Variants in XKR9 observed in about 807,000 individuals in gnomAD.
The protein encoded by XKR9 is XK-related protein 9.
XKR9 carries 32 observed loss-of-function variants against 32.0 expected under a neutral mutation model. The ratio of observed to expected loss-of-function variants is 1.00; its 90% CI spans 0.76 to 1.34. The LOEUF (loss-of-function observed/expected upper bound fraction) is 1.34, where lower values mean the gene tolerates loss of function less well. XKR9 is among the 40% of genes most tolerant of loss of function. The pLI is 0.00. For missense variants in XKR9, 546 were observed against 429.7 expected (o/e 1.27, Z -2.39); for synonymous variants, 168 against 143.4 (o/e 1.17, Z -1.22).
the XKR9 span, among the ~76,000 whole-genome samples, chr8:70,796,103 G>GT: frequency 2.6e-5 from 4 of 151,608 alleles, no homozygotes; most frequent in Admixed American, 2.0e-4. Flanking sequence ...ACATGTGCAG[G>GT]TTTTTTGACA....
chr8:71,022,416 GT>G, the XKR9 span, among the ~76,000 whole-genome samples: 2 of 151,640 alleles, frequency 1.3e-5, no homozygotes, highest in Non-Finnish European at 2.9e-5. Flanking sequence ...TGATTGGCAG[GT>G]TTTTTTTCAG....
the XKR9 span, among the ~76,000 whole-genome samples, chr8:70,896,920 T>G: frequency 6.6e-6 from 1 of 152,114 alleles, no homozygotes; most frequent in South Asian, 2.1e-4. Flanking sequence ...AATGTACAAT[T>G]AAATTATTGT....
intron 2 of XKR9, among the ~76,000 whole-genome samples, chr8:70,780,565 C>T (rs1807601152): frequency 6.6e-6 from 1 of 152,058 alleles, no homozygotes. Context: ...CGAAGGATTT[C>T]CAAAAACCCC....
chr8:70,937,035 A>C, the XKR9 span, among the ~76,000 whole-genome samples: 1 of 151,946 alleles, frequency 6.6e-6, no homozygotes, highest in Non-Finnish European at 1.5e-5. Context: ...GATATATGAG[A>C]GGTTCCGGAA....
the XKR9 span, among the ~76,000 whole-genome samples, chr8:70,849,928 G>C: frequency 1.3e-5 from 2 of 151,228 alleles, no homozygotes; most frequent in African/African-American, 4.9e-5. Flanking sequence ...GGAAGAAGTA[G>C]AATCTCGAAT....
chr8:71,012,389 TG>T, the XKR9 span, among the ~76,000 whole-genome samples: 3 of 152,172 alleles, frequency 2.0e-5, no homozygotes, highest in African/African-American at 7.2e-5. Context: ...TTGGTGGCTA[TG>T]GGTGTGTTTG....
At chr8:70,724,188 G>A (rs1806380378) in intron 4 of XKR9, among the ~76,000 whole-genome samples, 3 of 152,214 alleles carry the variant, frequency 2.0e-5, no homozygotes, top group Admixed American at 1.3e-4. Flanking sequence ...ACTGTCAGGG[G>A]AAAGCCGCCT....
chr8:71,044,183 AT>A, the XKR9 span, among the ~76,000 whole-genome samples: 1 of 152,208 alleles, frequency 6.6e-6, no homozygotes, highest in Non-Finnish European at 1.5e-5. Context: ...ATATACATAG[AT>A]TTTTATCTGT....
the XKR9 span, among the ~76,000 whole-genome samples, chr8:70,890,328 G>A: frequency 2.0e-5 from 3 of 151,924 alleles, no homozygotes; most frequent in Non-Finnish European, 2.9e-5. Flanking sequence ...GCTGTGGCAA[G>A]CATATCCAAT....
chr8:70,781,541 C>T (rs551326754), intron 2 of XKR9, among the ~76,000 whole-genome samples: 59 of 133,198 alleles, frequency 4.4e-4, no homozygotes, highest in African/African-American at 1.5e-3. Context: ...ATGAGTGAGA[C>T]CCCATCTCCA....
the XKR9 span, among the ~76,000 whole-genome samples, chr8:70,897,131 G>T: frequency 1.3e-5 from 2 of 152,086 alleles, no homozygotes; most frequent in Non-Finnish European, 2.9e-5. Context: ...GTGAGAACAT[G>T]TGATGTTTGT....
intron 2 of XKR9, among the ~76,000 whole-genome samples, chr8:70,780,145 C>T (rs932411507): frequency 6.6e-6 from 1 of 151,704 alleles, no homozygotes; most frequent in Non-Finnish European, 1.5e-5. Flanking sequence ...TGTCTTTTCT[C>T]TCTTTTTTAT....
At chr8:70,934,304 A>T in the XKR9 span, among the ~76,000 whole-genome samples, 1 of 151,996 alleles carries the variant, frequency 6.6e-6, no homozygotes, top group Non-Finnish European at 1.5e-5. Context: ...TCTCTATGAC[A>T]CTTAGGGGGC....
At chr8:70,773,331 T>G (rs1292926443) in intron 2 of XKR9, among the ~76,000 whole-genome samples, 2 of 152,204 alleles carry the variant, frequency 1.3e-5, no homozygotes, top group Admixed American at 6.5e-5. Context: ...CGTTAACAAA[T>G]TGGTTCTGTC....
chr8:71,058,265 C>A, the XKR9 span, among the ~76,000 whole-genome samples: 1 of 152,152 alleles, frequency 6.6e-6, no homozygotes, highest in Non-Finnish European at 1.5e-5. Context: ...GCTGATCACT[C>A]TGGGTCAGTT....
At chr8:70,797,705 A>G in the XKR9 span, among the ~76,000 whole-genome samples, 2 of 152,038 alleles carry the variant, frequency 1.3e-5, no homozygotes, top group African/African-American at 4.8e-5. Context: ...TCACTCCCCT[A>G]ACCTCCACCC....
Position 70,735,121 on chromosome 8 carries a change from T to A in XKR9, c.*697T>A, listed in dbSNP as rs1308626483. On this transcript the variant is annotated 3_prime_UTR_variant, in exon 5 of 5. Coordinates refer to ENST00000408926, the MANE Select transcript of XKR9 (RefSeq NM_001011720.2). ...TTTTTAAAAAATTATGGTAAAAACA[T>A]ATAAAATTTACCATCTTAATCACTT... The A allele has an allele frequency of 2.6e-5, 4 of 152,080 alleles. No individual in the cohort carries two copies. The highest frequency in any genetic ancestry group is 9.7e-5 in the African/African-American group (4 of 41,442). 9.4% of individuals were successfully genotyped at this position (152,080 alleles called of 1,614,324 possible).
At chr8:70,766,586 A>C (rs1807378987) in intron 2 of XKR9, among the ~76,000 whole-genome samples, 1 of 151,988 alleles carries the variant, frequency 6.6e-6, no homozygotes, top group Non-Finnish European at 1.5e-5. Context: ...AATACCCTTT[A>C]TTTCTTTCTC....
intron 3 of XKR9, among the ~76,000 whole-genome samples, chr8:70,699,347 T>G (rs1805422848): frequency 6.6e-6 from 1 of 152,156 alleles, no homozygotes; most frequent in African/African-American, 2.4e-5. Context: ...TGTTTAGTGC[T>G]TCCTTTAGGA....
Sources: gnomAD v4.1 joint callset for allele counts (sites outside exome capture counted in the v4.1 genomes callset) on GRCh38, gnomAD v4.1.1 for gene constraint, MANE v1.5 for transcripts, NCBI Gene and HGNC (gene_info 2026-07-23, HGNC 2026-07-21) for gene names.